EDEM1: variants seen among roughly 807,000 people sequenced by gnomAD.
EDEM1 encodes the protein ER degradation enhancing alpha-mannosidase like protein 1.
EDEM1 carries 67 observed loss-of-function variants against 74.4 expected under a neutral mutation model. The ratio of observed to expected loss-of-function variants is 0.90; its 90% CI spans 0.74 to 1.10. EDEM1 has a LOEUF of 1.10. EDEM1 is among the 50% of genes least tolerant of loss of function. EDEM1 has a pLI of 0.00. For missense variants in EDEM1, 926 were observed against 851.6 expected (o/e 1.09, Z -1.09); for synonymous variants, 382 against 335.9 (o/e 1.14, Z -1.50).
At chr3:5,205,327 C>G (rs1005366727) in intron 6 of EDEM1, 86 bp downstream of exon 6, 2 of 1,368,474 alleles carry the variant, frequency 1.5e-6, no homozygotes, top group South Asian at 2.7e-5. Context: ...AACACACAAT[C>G]ACAGGGTCTG....
intron 1 of EDEM1, among the ~76,000 whole-genome samples, chr3:5,193,413 C>G (rs915413601): frequency 3.3e-5 from 5 of 152,214 alleles, no homozygotes; most frequent in Non-Finnish European, 5.9e-5. Context: ...GAATCCATAG[C>G]TCTTGCTTTG....
chr3:5,209,047 C>G (rs1050061626), intron 8 of EDEM1, among the ~76,000 whole-genome samples: 3 of 152,078 alleles, frequency 2.0e-5, no homozygotes, highest in African/African-American at 7.2e-5. Flanking sequence ...CCCTAGCAAG[C>G]AGGGCCTGAG....
At chr3:5,189,992 T>A (rs1178830663) in intron 1 of EDEM1, among the ~76,000 whole-genome samples, 1 of 28,462 alleles carries the variant, frequency 3.5e-5, no homozygotes, top group African/African-American at 4.9e-5. Context: ...TTTCTTAGTT[T>A]TTTTTTTGGG....
In EDEM1 at chr3:5,187,776, TA is replaced by T. The variant is rs1317715925; in HGVS notation, c.-26del. 2.0e-6 allele frequency: 3 copies of T among 1,528,900 alleles called. No individual in the cohort carries two copies. Among genetic ancestry groups the T allele is most frequent in the Non-Finnish European group, 1.8e-6 (2 of 1,138,288 alleles). The allele number at this position is 1,528,900 out of a possible 1,614,324, so 94.7% of individuals were successfully genotyped here. Reference sequence around the variant, plus strand: ...GGTCGGCGGGGAGGCCCCCGCGCTTTAAAATAATGCCCGCGGCGCCCGCGCG... The same window carrying T: ...GGTCGGCGGGGAGGCCCCCGCGCTTTAAATAATGCCCGCGGCGCCCGCGCG... On this transcript the variant is annotated 5_prime_UTR_variant, in exon 1 of 12. Transcript: ENST00000256497.
Position 5,217,949 on chromosome 3 carries a change from C to T in EDEM1, c.*2031C>T, listed in dbSNP as rs1326102881. ...TGTGATTTCTCTTGGCGCTCCCCTC[C>T]TCTCCCGCTCTGGCTTCTGTGGCGG... On this transcript the variant is annotated 3_prime_UTR_variant, in exon 12 of 12. Transcript: ENST00000256497. The T allele has an allele frequency of 6.6e-6, 1 of 152,240 alleles. No homozygotes were observed. The highest frequency in any genetic ancestry group is 1.5e-5 in the Non-Finnish European group (1 of 68,054). 9.4% of individuals were successfully genotyped at this position (152,240 alleles called of 1,614,324 possible). A position where few individuals can be genotyped will look rare whatever the true frequency, so the allele number is the denominator to read the frequency against.
In EDEM1 at chr3:5,205,055, T is replaced by G. The variant is rs772168743; in HGVS notation, c.1043-12T>G. The G allele has an allele frequency of 1.2e-5, 20 of 1,612,860 alleles. No homozygotes were observed. In the African/African-American group the frequency reaches 2.7e-4, roughly 22 times the overall value. The stretch of plus-strand genomic sequence containing the variant: ...ACAGCTGGGACCTCAAGTGCCTTGT[T>G]TATTTTTGCAGGCAATGTCGTGAAC... On this transcript the variant is annotated splice_polypyrimidine_tract_variant and intron_variant, in intron 5 of 11. Transcript: ENST00000256497.
Position 5,208,277 on chromosome 3 carries a change from G to GTTTT in EDEM1, c.1509+24_1509+27dup. 2 of 1,367,774 alleles carry GTTTT rather than the reference G, an allele frequency of 1.5e-6. No individual in the cohort carries two copies. Among genetic ancestry groups the GTTTT allele is most frequent in the East Asian group, 2.6e-5 (1 of 38,080 alleles). 84.7% of individuals were successfully genotyped at this position (1,367,774 alleles called of 1,614,324 possible). A position where few individuals can be genotyped will look rare whatever the true frequency, so the allele number is the denominator to read the frequency against. On this transcript the variant is annotated intron_variant, in intron 8 of 11. Transcript: ENST00000256497. ...CTCCTCTACCAGGTACTAGAGTTGT[G>GTTTT]TTTTTTTTTTTTTCCTTTCACTGCC...
rs772495623 is a variant in EDEM1 at position 5,201,869 on chromosome 3, C to T, written c.803C>T (p.Ala268Val). 17 of 1,614,004 alleles carry T rather than the reference C, an allele frequency of 1.1e-5. No homozygotes were observed. The highest frequency in any genetic ancestry group is 1.7e-5 in the Admixed American group (1 of 59,988). The change falls in exon 4 of 12, where the codon GCG (alanine) becomes GTG (valine). Residue 268 changes from alanine (A) to valine (V), a missense_variant. Coordinates refer to ENST00000256497, the MANE Select transcript of EDEM1 (RefSeq NM_014674.3). ...NELLYMAHDLAVRLLPAFENT... is the reference protein window; with the variant it reads ...NELLYMAHDLVVRLLPAFENT... ...TTGTTATACATGGCCCATGACCTGGCGGTGCGGCTCCTCCCTGCTTTTGAA... is the reference window on the plus strand; with the variant it reads ...TTGTTATACATGGCCCATGACCTGGTGGTGCGGCTCCTCCCTGCTTTTGAA...
Position 5,211,246 on chromosome 3 carries a change from T to C in EDEM1, c.1680+30T>C, listed in dbSNP as rs567643621. On this transcript the variant is annotated intron_variant, in intron 10 of 11. Transcript: ENST00000256497. Reference sequence around the variant, plus strand: ...GTGTGTTGCAAGATGAACCCAGGAATATTTAGTATTGCTTAGAGCAAGCAT... The same window carrying C: ...GTGTGTTGCAAGATGAACCCAGGAACATTTAGTATTGCTTAGAGCAAGCAT... 56 of 1,596,172 alleles carry C rather than the reference T, an allele frequency of 3.5e-5. No individual in the cohort carries two copies. In the South Asian group the frequency reaches 5.5e-4, roughly 16 times the overall value.
chr3:5,196,624 G>A (rs773964443), intron 2 of EDEM1, among the ~76,000 whole-genome samples: 1 of 152,174 alleles, frequency 6.6e-6, no homozygotes, highest in Non-Finnish European at 1.5e-5. Flanking sequence ...AATAGGACTA[G>A]GCCCTTGGTC....
intron 6 of EDEM1, among the ~76,000 whole-genome samples, chr3:5,206,260 T>A (rs1007254446): frequency 1.7e-4 from 25 of 150,768 alleles, no homozygotes; most frequent in African/African-American, 6.1e-4. Context: ...CAGGCTGGAG[T>A]ACAGTGGTAC....
chr3:5,214,778 C>T (rs1042282402), intron 11 of EDEM1, among the ~76,000 whole-genome samples: 2 of 152,188 alleles, frequency 1.3e-5, no homozygotes, highest in Non-Finnish European at 2.9e-5. Context: ...ACATCTCTGA[C>T]CTGCCATACT....
chr3:5,207,019 A>T, intron 6 of EDEM1, 134 bp from the exon 7 acceptor site: 1 of 1,171,402 alleles, frequency 8.5e-7, no homozygotes, highest in Non-Finnish European at 1.2e-6. Context: ...CTGTCTGCAG[A>T]GGTTTAAGGA....
At chr3:5,188,391 T>C (rs1271707569) in intron 1 of EDEM1, 77 bp downstream of exon 1, 5 of 1,313,906 alleles carry the variant, frequency 3.8e-6, no homozygotes, top group African/African-American at 1.6e-5. Flanking sequence ...CAGCCCTCTG[T>C]CCTCCGGGGC....
chr3:5,189,738 C>T (rs1347419061), intron 1 of EDEM1, among the ~76,000 whole-genome samples: 2 of 152,162 alleles, frequency 1.3e-5, no homozygotes, highest in Admixed American at 6.5e-5. Context: ...GTAGCTGGGA[C>T]TACAGACTCG....
intron 6 of EDEM1, 75 bp from the exon 7 acceptor site, chr3:5,207,078 C>A: frequency 1.3e-6 from 2 of 1,567,200 alleles, no homozygotes; most frequent in Non-Finnish European, 8.6e-7. Context: ...ATGAAACTAC[C>A]AGCAGCTGCT....
intron 6 of EDEM1, 57 bp downstream of exon 6, chr3:5,205,298 A>G: frequency 6.5e-7 from 1 of 1,534,216 alleles, no homozygotes; most frequent in Non-Finnish European, 8.8e-7. Flanking sequence ...ATGCATTCTG[A>G]AGCGTTTGTA....
At chr3:5,201,551 C>G (rs550760353) in intron 3 of EDEM1, among the ~76,000 whole-genome samples, 1 of 152,266 alleles carries the variant, frequency 6.6e-6, no homozygotes, top group South Asian at 2.1e-4. Flanking sequence ...CCCTTTCTCT[C>G]TTTTAGTAAT....
chr3:5,211,864 G>C (rs943035580), intron 10 of EDEM1, among the ~76,000 whole-genome samples: 10 of 152,266 alleles, frequency 6.6e-5, no homozygotes, highest in Admixed American at 2.6e-4. Context: ...TCCCTGTCTG[G>C]TGCTCTTTCC....
Sources: gnomAD v4.1 joint callset for allele counts (sites outside exome capture counted in the v4.1 genomes callset) on GRCh38, gnomAD v4.1.1 for gene constraint, MANE v1.5 for transcripts, NCBI Gene and HGNC (gene_info 2026-07-23, HGNC 2026-07-21) for gene names.